NEK11: variants seen among roughly 807,000 people sequenced by gnomAD.
NEK11 encodes the protein NIMA related kinase 11, also known as serine/threonine-protein kinase Nek11.
A neutral mutation model predicts 80.7 loss-of-function variants in NEK11; 72 were observed. The ratio of observed to expected loss-of-function variants is 0.89; its 90% CI spans 0.74 to 1.08. The LOEUF (loss-of-function observed/expected upper bound fraction) is 1.08. NEK11 is among the 50% of genes least tolerant of loss of function. The pLI, the probability that NEK11 is intolerant of heterozygous loss-of-function variation, is 0.00. For synonymous variants in NEK11, 251 were observed against 260.7 expected (o/e 0.96, Z 0.36); for missense variants, 764 against 763.6 (o/e 1.00, Z -0.01).
At chr3:131,055,171 G>A (rs2069221718) in intron 3 of NEK11, among the ~76,000 whole-genome samples, 1 of 152,252 alleles carries the variant, frequency 6.6e-6, no homozygotes, top group East Asian at 1.9e-4. Flanking sequence ...AAATAGAGAC[G>A]CGGTTTATAT....
chr3:131,231,752 T>A (rs73870818), intron 15 of NEK11, among the ~76,000 whole-genome samples: 1 of 151,930 alleles, frequency 6.6e-6, no homozygotes, highest in Admixed American at 6.5e-5. Context: ...ACTTTGTGAA[T>A]TGAGAGAGAC....
intron 14 of NEK11, among the ~76,000 whole-genome samples, chr3:131,179,899 C>T (rs1579677931): frequency 6.6e-6 from 1 of 152,210 alleles, no homozygotes; most frequent in Middle Eastern, 3.4e-3. Context: ...TTATATTTCT[C>T]AATTGTATTG....
intron 17 of NEK11, among the ~76,000 whole-genome samples, chr3:131,345,279 T>A (rs573899508): frequency 2.0e-5 from 3 of 152,166 alleles, no homozygotes; most frequent in Non-Finnish European, 4.4e-5. Context: ...GAAAAAATAT[T>A]TGCAAACCAC....
intron 16 of NEK11, among the ~76,000 whole-genome samples, chr3:131,258,155 G>A (rs1699834116): frequency 1.3e-5 from 2 of 151,802 alleles, no homozygotes; most frequent in South Asian, 2.1e-4. Flanking sequence ...TGGACTCTGG[G>A]GACTCAGGGG....
At chr3:131,057,795 G>C (rs62282228) in intron 3 of NEK11, among the ~76,000 whole-genome samples, 33,678 of 150,864 alleles carry the variant, frequency 0.22, 4,078 homozygotes, top group African/African-American at 0.34. Flanking sequence ...TTAGCCCTTT[G>C]TCAGATGAGT....
In NEK11 at chr3:131,080,534, C is replaced by T; in HGVS notation, c.282C>T (p.Phe94=). The T allele has an allele frequency of 6.2e-7, 1 of 1,614,048 alleles. No individual in the cohort carries two copies. The highest frequency in any genetic ancestry group is 8.5e-7 in the Non-Finnish European group (1 of 1,179,976). ...TGGACCACCCAGCCATTGTCAAGTT[C>T]CATGCAAGTTTTGTGGAGCAAGATA... ...SKLDHPAIVK[F]HASFVEQDNF... is the part of the protein sequence containing the mutation. Residue 94 remains phenylalanine, a synonymous_variant, in exon 4 of 18, where the codon TTC becomes TTT. Coordinates refer to ENST00000383366, the MANE Select transcript of NEK11 (RefSeq NM_024800.5).
In NEK11 at chr3:131,349,790, A is replaced by G. The variant is rs200132686; in HGVS notation, c.*14A>G. 1.4e-3 allele frequency: 2,245 copies of G among 1,596,486 alleles called. 2 individuals carry two copies. Among genetic ancestry groups the G allele is most frequent in the Non-Finnish European group, 1.6e-3 (1,904 of 1,165,784 alleles). On this transcript the variant is annotated 3_prime_UTR_variant, in exon 18 of 18. Transcript: ENST00000383366. The stretch of plus-strand genomic sequence containing the variant: ...AACCATCTCTAGGCAACTATCAAAA[A>G]GAAGCAGAAGTTCAAGTGGACAAAT...
At chr3:131,315,749 C>G (rs1452557437) in intron 17 of NEK11, among the ~76,000 whole-genome samples, 4 of 151,862 alleles carry the variant, frequency 2.6e-5, no homozygotes, top group African/African-American at 9.7e-5. Flanking sequence ...GTTGTTCCAC[C>G]CCTGTGTCCA....
chr3:131,197,060 G>A (rs1349202997), intron 14 of NEK11, among the ~76,000 whole-genome samples: 1 of 152,016 alleles, frequency 6.6e-6, no homozygotes, highest in Non-Finnish European at 1.5e-5. Flanking sequence ...CCATTTTAGT[G>A]AGCTCTCTTT....
rs144620590 is a variant in NEK11 at position 131,159,453 on chromosome 3, T to C, written c.963-2955T>C. Among the ~76,000 whole-genome samples the C allele has an allele frequency of 3.5e-3, 530 of 152,280 alleles. 1 individual carries two copies. The highest frequency in any genetic ancestry group is 0.012 in the African/African-American group (503 of 41,552). The stretch of plus-strand genomic sequence containing the variant: ...ATAGAAAAGAATGTAACTGACCTGA[T>C]TGAGCTGAAAACCACACTGTAAGAA... On this transcript the variant is annotated intron_variant, in intron 10 of 17. Transcript: ENST00000383366.
chr3:131,102,357 G>A lies in NEK11; in HGVS notation c.337-7446G>A, dbSNP rs113853585. ...TTTAGCACTCCCTTAAGGACCACTC[G>A]TGAGGCTGGTCTAGTTAAAATGAAT... On this transcript the variant is annotated intron_variant, in intron 4 of 17. Coordinates refer to ENST00000383366, the MANE Select transcript of NEK11 (RefSeq NM_024800.5). Among the ~76,000 whole-genome samples, 12 of 152,250 alleles carry A rather than the reference G, an allele frequency of 7.9e-5. No individual in the cohort carries two copies. The South Asian group carries it at 8.3e-4, about 11-fold the overall frequency.
intron 15 of NEK11, among the ~76,000 whole-genome samples, chr3:131,230,092 A>G (rs1444880344): frequency 2.0e-5 from 3 of 152,312 alleles, no homozygotes; most frequent in East Asian, 1.9e-4. Flanking sequence ...AACACATGAT[A>G]TGCAAAATAC....
chr3:131,331,715 G>T (rs904662712), intron 17 of NEK11, among the ~76,000 whole-genome samples: 8 of 152,220 alleles, frequency 5.3e-5, no homozygotes, highest in African/African-American at 1.9e-4. Flanking sequence ...CCTAGTCAAA[G>T]AAAGGGGTGA....
Position 131,149,831 on chromosome 3 carries a change from T to C in NEK11, c.648-2557T>C, listed in dbSNP as rs375385205. On this transcript the variant is annotated intron_variant, in intron 7 of 17. Transcript: ENST00000383366. The stretch of plus-strand genomic sequence containing the variant: ...CACTGATTTTGTTTCTATTGTTTAT[T>C]TCTATTTCATTAATTTCTTCTCTTT... Among the ~76,000 whole-genome samples the C allele has an allele frequency of 9.9e-4, 151 of 152,128 alleles. 4 individuals are homozygous for C. The South Asian group carries it at 0.029, about 30-fold the overall frequency.
chr3:131,194,580 C>T (rs759561258), intron 14 of NEK11, among the ~76,000 whole-genome samples: 5 of 151,946 alleles, frequency 3.3e-5, no homozygotes, highest in Non-Finnish European at 7.4e-5. Flanking sequence ...ACAATATGTA[C>T]ACTATTTACA....
chr3:131,198,717 T>C (rs2094119983), intron 14 of NEK11, among the ~76,000 whole-genome samples: 1 of 152,238 alleles, frequency 6.6e-6, no homozygotes, highest in Non-Finnish European at 1.5e-5. Flanking sequence ...CTGTTTTTTC[T>C]GTGACTTATA....
chr3:131,349,592 A>T lies in NEK11; in HGVS notation c.1754A>T (p.Glu585Val), dbSNP rs2097423678. ...CAGAAGCTGGGGACAGAAGTATTTG[A>T]AGAGGTCTATAATTACCTCAAGAGA... ...AMQKLGTEVF[E>V]EVYNYLKRAR... The change falls in exon 18 of 18, where the codon GAA becomes GTA. Residue 585 changes from glutamate to valine, a missense_variant. Coordinates refer to ENST00000383366, the MANE Select transcript of NEK11 (RefSeq NM_024800.5). 1 of 1,614,048 alleles carries T rather than the reference A, an allele frequency of 6.2e-7. No homozygotes were observed. Among genetic ancestry groups the T allele is most frequent in the Non-Finnish European group, 8.5e-7 (1 of 1,180,026 alleles).
At chr3:131,169,704 G>A (rs573022032) in intron 13 of NEK11, among the ~76,000 whole-genome samples, 1 of 152,100 alleles carries the variant, frequency 6.6e-6, no homozygotes, top group East Asian at 1.9e-4. Flanking sequence ...GAGGTAATGG[G>A]GATCAAAGAT....
At chr3:131,088,683 C>T (rs1578092411) in intron 4 of NEK11, among the ~76,000 whole-genome samples, 2 of 151,802 alleles carry the variant, frequency 1.3e-5, no homozygotes, top group African/African-American at 4.8e-5. Flanking sequence ...TCTACATTTA[C>T]CTCAGCAAAA....
Sources: gnomAD v4.1 joint callset for allele counts (sites outside exome capture counted in the v4.1 genomes callset) on GRCh38, gnomAD v4.1.1 for gene constraint, MANE v1.5 for transcripts, NCBI Gene and HGNC (gene_info 2026-07-23, HGNC 2026-07-21) for gene names.